Variants in LAMA2 observed in about 807,000 individuals in gnomAD.
LAMA2 encodes the protein laminin subunit alpha-2.
LAMA2 carries 269 observed loss-of-function variants against 364.8 expected under a neutral mutation model. The observed-to-expected ratio is 0.74, with a 90% CI of 0.67 to 0.82. The LOEUF (loss-of-function observed/expected upper bound fraction) is 0.82, where lower values mean the gene tolerates loss of function less well. LAMA2 is among the 40% of genes least tolerant of loss of function. LAMA2 has a pLI of 0.00. For missense variants in LAMA2, 3,807 were observed against 3,873.2 expected (o/e 0.98, Z 0.45); for synonymous variants, 1,379 against 1,370.6 (o/e 1.01, Z -0.14).
At chr6:129,123,186 A>C (rs1252996336) in intron 4 of LAMA2, among the ~76,000 whole-genome samples, 2 of 151,856 alleles carry the variant, frequency 1.3e-5, no homozygotes, top group African/African-American at 4.8e-5. Flanking sequence ...CACGTCTGTA[A>C]TCCCAGCTAC....
At chr6:128,893,900 A>C (rs908684247) in intron 1 of LAMA2, among the ~76,000 whole-genome samples, 1 of 152,076 alleles carries the variant, frequency 6.6e-6, no homozygotes, top group Non-Finnish European at 1.5e-5. Flanking sequence ...AATAGAAGAG[A>C]ACTGGATTCT....
chr6:128,932,936 C>A (rs977828016), intron 1 of LAMA2, among the ~76,000 whole-genome samples: 2 of 152,074 alleles, frequency 1.3e-5, no homozygotes, highest in African/African-American at 4.8e-5. Context: ...TACATTAGAT[C>A]CCTAGAACTT....
chr6:128,949,457 A>AG (rs962707502), intron 1 of LAMA2, among the ~76,000 whole-genome samples: 52 of 152,214 alleles, frequency 3.4e-4, no homozygotes, highest in African/African-American at 1.2e-3. Flanking sequence ...AGATAACTTA[A>AG]GGGGGAAAAA....
At chr6:129,118,921 A>G (rs1776636508) in intron 4 of LAMA2, among the ~76,000 whole-genome samples, 1 of 152,226 alleles carries the variant, frequency 6.6e-6, no homozygotes, top group Admixed American at 6.5e-5. Flanking sequence ...TTTTAAGGGG[A>G]AAATAGCAGT....
chr6:129,512,576 A>G, intron 63 of LAMA2, 83 bp downstream of exon 63: 1 of 1,464,252 alleles, frequency 6.8e-7, no homozygotes, highest in East Asian at 2.3e-5. Context: ...GGAAACTCGA[A>G]TATTTTGAAG....
chr6:129,067,126 C>T (rs556228721), intron 3 of LAMA2, among the ~76,000 whole-genome samples: 19 of 152,312 alleles, frequency 1.2e-4, no homozygotes, highest in African/African-American at 4.1e-4. Context: ...CATGGCTGCT[C>T]TTCAAATCAC....
chr6:129,237,677 A>G (rs1382354740), intron 12 of LAMA2, among the ~76,000 whole-genome samples: 2 of 152,116 alleles, frequency 1.3e-5, no homozygotes, highest in Non-Finnish European at 2.9e-5. Context: ...CTGTGGGATA[A>G]ATCTCTGAAG....
At chr6:129,220,304 CA>C (rs550277514) in intron 12 of LAMA2, among the ~76,000 whole-genome samples, 7 of 151,764 alleles carry the variant, frequency 4.6e-5, no homozygotes, top group South Asian at 2.1e-4. Context: ...AAGCAATGAG[CA>C]AAAAAACACT....
At chr6:128,992,216 G>A (rs375090155) in intron 1 of LAMA2, among the ~76,000 whole-genome samples, 20 of 152,274 alleles carry the variant, frequency 1.3e-4, no homozygotes, top group African/African-American at 4.3e-4. Flanking sequence ...GTGAGCAAGC[G>A]CAACTGATCA....
At chr6:129,063,513 G>A (rs1582970617) in intron 3 of LAMA2, among the ~76,000 whole-genome samples, 1 of 152,056 alleles carries the variant, frequency 6.6e-6, no homozygotes, top group South Asian at 2.1e-4. Flanking sequence ...GTAAAACAGA[G>A]GGAGGCAGCT....
chr6:129,414,088 G>A (rs1474717628), intron 40 of LAMA2, among the ~76,000 whole-genome samples: 1 of 152,024 alleles, frequency 6.6e-6, no homozygotes, highest in Non-Finnish European at 1.5e-5. Context: ...TGGATATATT[G>A]GAGGATATGC....
At chr6:128,910,141 C>T (rs538141613) in intron 1 of LAMA2, among the ~76,000 whole-genome samples, 1 of 152,144 alleles carries the variant, frequency 6.6e-6, no homozygotes, top group African/African-American at 2.4e-5. Context: ...CGAGAAGTAT[C>T]TTTGTGGCCT....
At position 129,313,076 on chromosome 6, in the gene LAMA2, A is replaced by G; in HGVS notation, c.3390A>G (p.Gln1130=). ...SETKKCSCSD[Q]TGQCTCKVNV... ...CTAAAAAATGCTCCTGTAGTGATCA[A>G]ACTGGGCAGTGCACTTGTAAGGTAT... The change falls in exon 23 of 65, where the codon CAA becomes CAG. Residue 1130 remains glutamine, a synonymous_variant. Transcript: ENST00000421865. The G allele has an allele frequency of 6.2e-7, 1 of 1,608,678 alleles. No homozygotes were observed. Among genetic ancestry groups the G allele is most frequent in the Non-Finnish European group, 8.5e-7 (1 of 1,175,506 alleles).
intron 49 of LAMA2, 123 bp from the exon 50 acceptor site, chr6:129,464,167 G>A (rs1783413201): frequency 3.6e-6 from 3 of 838,146 alleles, no homozygotes; most frequent in Non-Finnish European, 6.1e-6. Context: ...AAGGAATGAA[G>A]ATGTATTTAG....
chr6:129,194,587 G>T (rs1202151046), intron 12 of LAMA2, among the ~76,000 whole-genome samples: 1 of 152,098 alleles, frequency 6.6e-6, no homozygotes, highest in Non-Finnish European at 1.5e-5. Context: ...CACTGTTCTT[G>T]CCTGTACTGC....
chr6:129,415,210 A>C (rs766175222), intron 40 of LAMA2, among the ~76,000 whole-genome samples: 17 of 152,004 alleles, frequency 1.1e-4, no homozygotes, highest in Non-Finnish European at 2.2e-4. Flanking sequence ...TAACATTTAC[A>C]TTTTATCTAT....
At chr6:129,102,330 T>C (rs377537252) in intron 4 of LAMA2, among the ~76,000 whole-genome samples, 6 of 151,974 alleles carry the variant, frequency 3.9e-5, no homozygotes, top group African/African-American at 1.4e-4. Context: ...ACAGACAGGG[T>C]TTCACCATGT....
At chr6:129,308,091 A>G (rs1773990348) in intron 22 of LAMA2, among the ~76,000 whole-genome samples, 1 of 152,268 alleles carries the variant, frequency 6.6e-6, no homozygotes, top group Non-Finnish European at 1.5e-5. Flanking sequence ...AAGGAAGTTC[A>G]GATGTCTGAC....
At chr6:129,208,624 AAAG>A (rs1002888904) in intron 12 of LAMA2, among the ~76,000 whole-genome samples, 1 of 144,770 alleles carries the variant, frequency 6.9e-6, no homozygotes, top group African/African-American at 2.8e-5. Context: ...TGGAAGAAAG[AAAG>A]AAAGAAGAAA....
Sources: allele counts gnomAD v4.1 joint callset (sites outside exome capture counted in the v4.1 genomes callset), GRCh38; gene constraint gnomAD v4.1.1; transcripts MANE v1.5; gene names NCBI Gene and HGNC (gene_info 2026-07-23, HGNC 2026-07-21).